Variants in LRBA observed in about 807,000 individuals in gnomAD.
The protein encoded by LRBA is lipopolysaccharide-responsive and beige-like anchor protein.
In LRBA, 176 loss-of-function variants were observed where a neutral mutation model predicts 330.0. That is an observed-to-expected ratio of 0.53 (90% CI 0.47 to 0.60). LRBA has a LOEUF of 0.60. Among genes scored for constraint, LRBA ranks in the 20% least tolerant of loss-of-function variants. The pLI is 0.00. For missense variants in LRBA, 3,259 were observed against 3,444.8 expected, an observed-to-expected ratio of 0.95 and a Z score of 1.35; for synonymous variants, 1,230 against 1,193.0, an observed-to-expected ratio of 1.03 and a Z score of -0.64.
At chr4:150,901,744 C>G (rs1390349863) in intron 13 of LRBA, among the ~76,000 whole-genome samples, 1 of 152,170 alleles carries the variant, frequency 6.6e-6, no homozygotes, top group African/African-American at 2.4e-5. Flanking sequence ...CTTGGAAGAT[C>G]ATTATAATTC....
At chr4:150,337,571 C>T (rs757737727) in intron 48 of LRBA, among the ~76,000 whole-genome samples, 16 of 152,204 alleles carry the variant, frequency 1.1e-4, no homozygotes, top group South Asian at 4.2e-4. Context: ...CCTGACTAAT[C>T]CTTACCGTTT....
chr4:150,715,540 T>C (rs1284055509), intron 36 of LRBA, among the ~76,000 whole-genome samples: 1 of 152,162 alleles, frequency 6.6e-6, no homozygotes, highest in Non-Finnish European at 1.5e-5. Context: ...AAAGCAGACA[T>C]TTAATATTTC....
At chr4:150,456,017 G>T (rs1347683296) in intron 44 of LRBA, among the ~76,000 whole-genome samples, 3 of 151,884 alleles carry the variant, frequency 2.0e-5, no homozygotes, top group Non-Finnish European at 4.4e-5. Flanking sequence ...CTTTTTTATG[G>T]CTGAATAGTA....
intron 2 of LRBA, among the ~76,000 whole-genome samples, chr4:150,989,971 T>A (rs556604064): frequency 3.3e-4 from 50 of 151,840 alleles, no homozygotes; most frequent in South Asian, 6.2e-4. Flanking sequence ...TGAAAAAAAA[T>A]TTTTAATTAG....
chr4:150,769,600 G>C (rs1383261119), intron 34 of LRBA, among the ~76,000 whole-genome samples: 5 of 152,186 alleles, frequency 3.3e-5, no homozygotes, highest in African/African-American at 1.2e-4. Context: ...GTTTTATTCA[G>C]GCATTCAGCT....
chr4:150,866,081 A>C (rs1362066160), intron 22 of LRBA, among the ~76,000 whole-genome samples: 1 of 152,212 alleles, frequency 6.6e-6, no homozygotes, highest in Non-Finnish European at 1.5e-5. Flanking sequence ...TAGTCAGTAA[A>C]ATGTAACACT....
chr4:150,489,214 A>T (rs1467250829), intron 41 of LRBA, among the ~76,000 whole-genome samples: 9 of 49,200 alleles, frequency 1.8e-4, no homozygotes, highest in East Asian at 1.4e-3. Context: ...TATTATATAT[A>T]CGAATATATA....
At chr4:150,504,145 G>A (rs564378419) in intron 40 of LRBA, among the ~76,000 whole-genome samples, 1 of 152,312 alleles carries the variant, frequency 6.6e-6, no homozygotes, top group Non-Finnish European at 1.5e-5. Flanking sequence ...TGGGCAGAAT[G>A]GAACCAAGTT....
At chr4:150,859,433 ATTAC>A (rs1751626091) in intron 22 of LRBA, among the ~76,000 whole-genome samples, 1 of 152,166 alleles carries the variant, frequency 6.6e-6, no homozygotes, top group African/African-American at 2.4e-5. Context: ...GAAAAAAAGT[ATTAC>A]TTAAGCACAG....
At chr4:150,941,864 G>A (rs1036839460) in intron 2 of LRBA, among the ~76,000 whole-genome samples, 1 of 150,130 alleles carries the variant, frequency 6.7e-6, no homozygotes, top group Admixed American at 6.6e-5. Context: ...TCCAGCCTGG[G>A]CAAGACTCTG....
intron 13 of LRBA, among the ~76,000 whole-genome samples, chr4:150,902,575 C>A (rs1039144627): frequency 1.3e-5 from 2 of 152,192 alleles, no homozygotes; most frequent in Non-Finnish European, 2.9e-5. Context: ...ATAGGGCATA[C>A]ACCAAGCAAC....
At chr4:150,747,645 T>A (rs1732933047) in intron 35 of LRBA, among the ~76,000 whole-genome samples, 1 of 152,188 alleles carries the variant, frequency 6.6e-6, no homozygotes, top group Admixed American at 6.5e-5. Flanking sequence ...TTAAGGTTCT[T>A]AAAACATTTT....
At chr4:150,569,463 T>A (rs1769565626) in intron 40 of LRBA, among the ~76,000 whole-genome samples, 1 of 152,178 alleles carries the variant, frequency 6.6e-6, no homozygotes. Flanking sequence ...TGGAGTCCCA[T>A]CAATGATTTG....
intron 47 of LRBA, among the ~76,000 whole-genome samples, chr4:150,370,986 A>G (rs1740198683): frequency 6.6e-6 from 1 of 152,124 alleles, no homozygotes; most frequent in South Asian, 2.1e-4. Flanking sequence ...TATGGAACCC[A>G]AAAGAAGGAT....
At chr4:150,841,059 G>A in intron 28 of LRBA, 4 of 1,039,042 alleles carry the variant, frequency 3.8e-6, no homozygotes, top group South Asian at 1.6e-5. Flanking sequence ...TTAGTCTGTT[G>A]GAAAAAACAA....
intron 40 of LRBA, among the ~76,000 whole-genome samples, chr4:150,528,241 T>C (rs1763674577): frequency 1.3e-5 from 2 of 152,074 alleles, no homozygotes; most frequent in South Asian, 2.1e-4. Flanking sequence ...AATGATACGT[T>C]GTAATCCCAG....
intron 31 of LRBA, among the ~76,000 whole-genome samples, chr4:150,811,659 C>A (rs951041807): frequency 6.6e-6 from 1 of 151,976 alleles, no homozygotes; most frequent in Non-Finnish European, 1.5e-5. Flanking sequence ...TGTACCACCA[C>A]GTTCAGCTAA....
chr4:150,990,268 C>T (rs1342864447), intron 2 of LRBA, among the ~76,000 whole-genome samples: 1 of 152,072 alleles, frequency 6.6e-6, no homozygotes, highest in African/African-American at 2.4e-5. Context: ...CTGAATTTAA[C>T]ATACAACTTA....
chr4:150,751,026 GA>G (rs759977518), intron 35 of LRBA, among the ~76,000 whole-genome samples: 1 of 151,856 alleles, frequency 6.6e-6, no homozygotes, highest in Non-Finnish European at 1.5e-5. Context: ...TTGATGAGTG[GA>G]CAGTTTGTAA....
Sources: allele counts gnomAD v4.1 joint callset (sites outside exome capture counted in the v4.1 genomes callset), GRCh38; gene constraint gnomAD v4.1.1; transcripts MANE v1.5; gene names NCBI Gene and HGNC (gene_info 2026-07-23, HGNC 2026-07-21).